Variants in TRPC6 observed in about 807,000 individuals in gnomAD.
The protein encoded by TRPC6 is short transient receptor potential channel 6.
In TRPC6, 55 loss-of-function variants were observed where a neutral mutation model predicts 90.7. The ratio of observed to expected loss-of-function variants is 0.61; its 90% CI spans 0.49 to 0.76. The LOEUF is 0.76. Ranked by LOEUF, TRPC6 falls within the 30% of genes least tolerant of loss-of-function variation. TRPC6 has a pLI of 0.00. For missense variants in TRPC6, 989 were observed against 1,122.7 expected (o/e 0.88, Z 1.70); for synonymous variants, 393 against 393.0 (o/e 1.00, Z 0.00).
At chr11:101,507,237 C>T (rs1434252581) in intron 1 of TRPC6, among the ~76,000 whole-genome samples, 1 of 152,008 alleles carries the variant, frequency 6.6e-6, no homozygotes, top group African/African-American at 2.4e-5. Context: ...TCTTCATTTT[C>T]TCAGTGCTCT....
intron 1 of TRPC6, among the ~76,000 whole-genome samples, chr11:101,552,683 C>A (rs1448369135): frequency 6.6e-6 from 1 of 152,082 alleles, no homozygotes; most frequent in Non-Finnish European, 1.5e-5. Flanking sequence ...AAAAAAAATT[C>A]TCCATCTAAT....
intron 8 of TRPC6, 69 bp from the exon 9 acceptor site, chr11:101,471,455 T>C (rs1400615003): frequency 6.5e-6 from 10 of 1,537,644 alleles, no homozygotes; most frequent in Non-Finnish European, 9.0e-6. Context: ...CTTTTAACAT[T>C]GTGTAGCTAG....
Position 101,499,650 on chromosome 11 carries a change from T to TAC in TRPC6, c.945+4373_945+4374insGT, listed in dbSNP as rs1169006914. ...ACAATATAAAATGTGTATATATATA[T>TAC]ATACACAATATAAAATGTGTATATA... On this transcript the variant is annotated intron_variant, in intron 2 of 12. Coordinates refer to ENST00000344327, the MANE Select transcript of TRPC6 (RefSeq NM_004621.6). Among the ~76,000 whole-genome samples the TAC allele has an allele frequency of 4.1e-3, 561 of 137,976 alleles. 7 individuals are homozygous for TAC. Among genetic ancestry groups the TAC allele is most frequent in the East Asian group, 4.4e-3 (21 of 4,738 alleles). The allele number at this position is 137,976 out of a possible 152,430, so 90.5% of individuals were successfully genotyped here.
intron 2 of TRPC6, 97 bp from the exon 3 acceptor site, chr11:101,491,835 T>TA: frequency 5.5e-5 from 45 of 817,568 alleles, no homozygotes; most frequent in Non-Finnish European, 7.1e-5. Context: ...AGAGAAACAT[T>TA]CTTTTTTTTT....
chr11:101,564,763 T>C (rs1052115979), intron 1 of TRPC6, among the ~76,000 whole-genome samples: 3 of 152,058 alleles, frequency 2.0e-5, no homozygotes, highest in Non-Finnish European at 4.4e-5. Context: ...ACAGCCAAAG[T>C]AATCTTGAGA....
chr11:101,561,405 T>C (rs1009401762), intron 1 of TRPC6, among the ~76,000 whole-genome samples: 1 of 152,192 alleles, frequency 6.6e-6, no homozygotes, highest in Non-Finnish European at 1.5e-5. Context: ...AGCACCCTTA[T>C]AAATTGTATA....
At chr11:101,505,472 G>C (rs1015014070) in intron 1 of TRPC6, among the ~76,000 whole-genome samples, 6 of 152,144 alleles carry the variant, frequency 3.9e-5, no homozygotes, top group Non-Finnish European at 5.9e-5. Context: ...AGGTGAGAGT[G>C]TACTTCAGGA....
chr11:101,520,538 CAGA>C (rs1384018830), intron 1 of TRPC6, among the ~76,000 whole-genome samples: 1 of 152,060 alleles, frequency 6.6e-6, no homozygotes, highest in Non-Finnish European at 1.5e-5. Flanking sequence ...TTGGAGGGCT[CAGA>C]AGAAGACAGG....
chr11:101,509,964 C>T (rs916105226), intron 1 of TRPC6, among the ~76,000 whole-genome samples: 6 of 152,076 alleles, frequency 3.9e-5, no homozygotes, highest in Non-Finnish European at 8.8e-5. Context: ...AATATTACAA[C>T]AGCAGGCACA....
chr11:101,547,278 TC>T (rs1343451194), intron 1 of TRPC6, among the ~76,000 whole-genome samples: 1 of 152,206 alleles, frequency 6.6e-6, no homozygotes, highest in Admixed American at 6.5e-5. Flanking sequence ...TAATTAATGT[TC>T]CTTTTCTTTC....
chr11:101,522,771 T>C (rs1227326040), intron 1 of TRPC6, among the ~76,000 whole-genome samples: 1 of 152,216 alleles, frequency 6.6e-6, no homozygotes, highest in African/African-American at 2.4e-5. Flanking sequence ...ATCTGTTGAA[T>C]GCATGAAAGC....
intron 1 of TRPC6, among the ~76,000 whole-genome samples, chr11:101,554,408 T>TA (rs34328477): frequency 0.27 from 39,726 of 149,316 alleles, 5,779 homozygotes; most frequent in East Asian, 0.4. Flanking sequence ...AGAGCAATAG[T>TA]AAAAAAAAAA....
intron 1 of TRPC6, among the ~76,000 whole-genome samples, chr11:101,546,050 CTTTTTTTTTTTTTTTT>C (rs1166182552): frequency 3.4e-5 from 1 of 29,724 alleles, no homozygotes; most frequent in African/African-American, 1.3e-4. Flanking sequence ...ATTTATAACT[CTTTTTTTTTTTTTTTT>C]TTTTTTTTTT....
chr11:101,514,149 G>A (rs929952915), intron 1 of TRPC6, among the ~76,000 whole-genome samples: 2 of 152,006 alleles, frequency 1.3e-5, no homozygotes, highest in East Asian at 1.9e-4. Context: ...CACCACCACC[G>A]GGATCGTAAC....
rs1479810074 is a variant in TRPC6 at position 101,488,575 on chromosome 11, T to C, written c.1293+362A>G. On this transcript the variant is annotated intron_variant, in intron 4 of 12. Transcript: ENST00000344327. ...GATGTCATTTGAAATATATGCTCAATGGTACTATGACCTCATAAAGAAATA... is the reference window on the plus strand; with the variant it reads ...GATGTCATTTGAAATATATGCTCAACGGTACTATGACCTCATAAAGAAATA... Among the ~76,000 whole-genome samples the C allele has an allele frequency of 2.0e-5, 3 of 152,226 alleles. No homozygotes were observed. The East Asian group carries it at 5.8e-4, about 29-fold the overall frequency.
intron 6 of TRPC6, among the ~76,000 whole-genome samples, chr11:101,474,076 G>C (rs968053754): frequency 6.6e-6 from 1 of 152,106 alleles, no homozygotes; most frequent in African/African-American, 2.4e-5. Flanking sequence ...GTATAACAAA[G>C]AACTTATGCA....
chr11:101,560,393 G>C (rs1861687873), intron 1 of TRPC6, among the ~76,000 whole-genome samples: 1 of 151,896 alleles, frequency 6.6e-6, no homozygotes, highest in Admixed American at 6.6e-5. Flanking sequence ...TTTATGTAAG[G>C]CTGCTCTCAA....
intron 4 of TRPC6, among the ~76,000 whole-genome samples, chr11:101,484,595 A>ATGTGTGTG (rs61160203): frequency 0.01 from 1,464 of 140,848 alleles, 9 homozygotes; most frequent in Middle Eastern, 0.017. Context: ...CTCTCATGCT[A>ATGTGTGTG]TGTGTGTGTG....
chr11:101,566,400 T>C (rs1861831464), intron 1 of TRPC6, among the ~76,000 whole-genome samples: 1 of 152,180 alleles, frequency 6.6e-6, no homozygotes, highest in Non-Finnish European at 1.5e-5. Context: ...AATAAAAATT[T>C]ATACCCCTTT....
Sources: gnomAD v4.1 joint callset for allele counts (sites outside exome capture counted in the v4.1 genomes callset) on GRCh38, gnomAD v4.1.1 for gene constraint, MANE v1.5 for transcripts, NCBI Gene and HGNC (gene_info 2026-07-23, HGNC 2026-07-21) for gene names.